The following PRDM16 variants were observed in gnomAD, a reference collection of about 807,000 sequenced individuals.
The protein encoded by PRDM16 is histone-lysine N-methyltransferase PRDM16.
A neutral mutation model predicts 110.6 loss-of-function variants in PRDM16; 23 were observed. The ratio of observed to expected loss-of-function variants is 0.21; its 90% CI spans 0.15 to 0.29. The LOEUF (loss-of-function observed/expected upper bound fraction) is 0.29, where lower values mean the gene tolerates loss of function less well. Among genes scored for constraint, PRDM16 ranks in the 10% least tolerant of loss-of-function variants. PRDM16 has a pLI of 1.00. For missense variants in PRDM16, 1,615 were observed against 1,794.3 expected (o/e 0.90, Z 1.81); for synonymous variants, 799 against 781.8 (o/e 1.02, Z -0.37).
chr1:3,333,430 C>T (rs375836077), intron 3 of PRDM16, among the ~76,000 whole-genome samples: 7 of 152,274 alleles, frequency 4.6e-5, no homozygotes, highest in African/African-American at 1.7e-4. Flanking sequence ...CTGCATCTGA[C>T]CCTAGGAGTC....
rs565015121 is a variant in PRDM16, at chr1:3,146,448, A to G, written c.38-39677A>G. ...AAAGGTGTGAGGGGTGTGTGTGCAC[A>G]TGTGTTCAGTGTGGGGTGTGCGCAC... is the stretch of plus-strand genomic sequence containing the variant. On this transcript the variant is annotated intron_variant, in intron 1 of 16. Transcript: ENST00000270722. Among the ~76,000 whole-genome samples the G allele has an allele frequency of 6.8e-4, 100 of 147,606 alleles. 2 individuals carry two copies. Among genetic ancestry groups the G allele is most frequent in the Non-Finnish European group, 1.1e-3 (72 of 65,382 alleles).
In PRDM16 at chr1:3,412,293, T is replaced by C; in HGVS notation, c.2096T>C (p.Ile699Thr). The change falls in exon 9 of 17, where the codon ATT becomes ACT. Residue 699 changes from isoleucine to threonine, a missense_variant. Physicochemically the swap from Ile to Thr is moderately conservative, Grantham distance 89. Transcript: ENST00000270722. The stretch of plus-strand genomic sequence containing the variant: ...GACTCCATCAAGGCCATCGCATCCA[T>C]TGCCGAGAAGTACTTTGGCCCCGGC... ...AGDSIKAIAS[I>T]AEKYFGPGFM... 1 of 1,613,716 alleles carries C rather than the reference T, an allele frequency of 6.2e-7. No individual in the cohort carries two copies. The highest frequency in any genetic ancestry group is 8.5e-7 in the Non-Finnish European group (1 of 1,180,002).
chr1:3,171,435 C>T (rs772896561), intron 1 of PRDM16, among the ~76,000 whole-genome samples: 3 of 152,192 alleles, frequency 2.0e-5, no homozygotes, highest in Non-Finnish European at 4.4e-5. Context: ...GAGCCTCCTG[C>T]GAGGACGCTG....
intron 6 of PRDM16, among the ~76,000 whole-genome samples, chr1:3,403,667 T>G (rs1476121465): frequency 6.6e-6 from 1 of 152,122 alleles, no homozygotes; most frequent in Non-Finnish European, 1.5e-5. Flanking sequence ...TGGGGACCTG[T>G]GGCCCCCGGG....
intron 1 of PRDM16, among the ~76,000 whole-genome samples, chr1:3,139,486 G>A (rs1212451225): frequency 6.6e-6 from 1 of 152,254 alleles, no homozygotes; most frequent in Non-Finnish European, 1.5e-5. Context: ...GCTGGCAGGG[G>A]CGGGGTCCCT....
intron 3 of PRDM16, among the ~76,000 whole-genome samples, chr1:3,296,992 G>A (rs1187319427): frequency 6.6e-6 from 1 of 152,206 alleles, no homozygotes; most frequent in Admixed American, 6.5e-5. Context: ...TCAGGGTAAA[G>A]TGTTGGCTGT....
At chr1:3,076,243 TCCACGTCTTTGCCGCAGCCCTGG>T (rs1254184358) in intron 1 of PRDM16, among the ~76,000 whole-genome samples, 1 of 152,154 alleles carries the variant, frequency 6.6e-6, no homozygotes, top group South Asian at 2.1e-4. Flanking sequence ...TGTGTTGCGA[TCCACGTCTTTGCCGCAGCCCTGG>T]CCACGTCTGC....
At chr1:3,193,681 GC>G in intron 2 of PRDM16, among the ~76,000 whole-genome samples, 1 of 152,292 alleles carries the variant, frequency 6.6e-6, no homozygotes, top group African/African-American at 2.4e-5. Context: ...GCAAGCCCCT[GC>G]CCCCCAACAA....
At position 3,278,994 on chromosome 1, in the gene PRDM16, C is replaced by T. The variant is rs377402060; in HGVS notation, c.438+34857C>T. On this transcript the variant is annotated intron_variant, in intron 3 of 16. Transcript: ENST00000270722. ...CGAGCGCGGCGCTGGCCGTGTGCTCCGTGTCTGTCATCGTCAGCCCTGTCC... is the reference window on the plus strand; with the variant it reads ...CGAGCGCGGCGCTGGCCGTGTGCTCTGTGTCTGTCATCGTCAGCCCTGTCC... Among the ~76,000 whole-genome samples, 31 of 152,330 alleles carry T rather than the reference C, an allele frequency of 2.0e-4. No individual in the cohort carries two copies. In the East Asian group the frequency reaches 5.4e-3, roughly 27 times the overall value.
At chr1:3,397,539 G>A (rs897254237) in intron 5 of PRDM16, among the ~76,000 whole-genome samples, 7 of 152,254 alleles carry the variant, frequency 4.6e-5, no homozygotes, top group Admixed American at 2.0e-4. Flanking sequence ...CTGGCCCGTC[G>A]GCTCCACGCC....
chr1:3,430,089 G>C (rs1638725939), intron 14 of PRDM16, among the ~76,000 whole-genome samples: 1 of 152,164 alleles, frequency 6.6e-6, no homozygotes, highest in African/African-American at 2.4e-5. Context: ...TCCAGCATGT[G>C]CCCGGGGGCC....
rs1211440823 is a variant in PRDM16 at position 3,287,477 on chromosome 1, C to G, written c.438+43340C>G. ...GAGCCGCCCCTGCCACGCGGGCATC[C>G]AGGATTGCATTTACCGGGGCTGGAG... is the stretch of plus-strand genomic sequence containing the variant. On this transcript the variant is annotated intron_variant, in intron 3 of 16. Transcript: ENST00000270722. Among the ~76,000 whole-genome samples the G allele has an allele frequency of 1.3e-4, 10 of 79,394 alleles. 1 individual carries two copies. Among genetic ancestry groups the G allele is most frequent in the African/African-American group, 4.2e-4 (9 of 21,642 alleles). The allele number at this position is 79,394 out of a possible 152,430, so 52.1% of individuals were successfully genotyped here.
At chr1:3,279,116 C>T (rs1226844279) in intron 3 of PRDM16, among the ~76,000 whole-genome samples, 2 of 152,254 alleles carry the variant, frequency 1.3e-5, no homozygotes, top group African/African-American at 4.8e-5. Context: ...CCAATAGCCA[C>T]GTGGGCAGCT....
intron 1 of PRDM16, among the ~76,000 whole-genome samples, chr1:3,119,197 C>T (rs1643036126): frequency 6.6e-6 from 1 of 152,204 alleles, no homozygotes; most frequent in African/African-American, 2.4e-5. Flanking sequence ...AGAGCCTGGC[C>T]ATTTGCTTTC....
At chr1:3,202,562 T>C (rs1319728750) in intron 2 of PRDM16, among the ~76,000 whole-genome samples, 1 of 152,214 alleles carries the variant, frequency 6.6e-6, no homozygotes, top group East Asian at 1.9e-4. Flanking sequence ...GCGCTGCCCA[T>C]GTCCCCTTAA....
chr1:3,164,385 G>T (rs777259456), intron 1 of PRDM16, among the ~76,000 whole-genome samples: 1 of 152,198 alleles, frequency 6.6e-6, no homozygotes, highest in African/African-American at 2.4e-5. Context: ...ACGTTGGGCC[G>T]ACAGCTTCTG....
intron 3 of PRDM16, among the ~76,000 whole-genome samples, chr1:3,283,229 A>G (rs951307060): frequency 6.6e-6 from 1 of 152,128 alleles, no homozygotes; most frequent in Non-Finnish European, 1.5e-5. Flanking sequence ...ACAGCTGCCC[A>G]TTAGAGGCGG....
chr1:3,402,931 C>T lies in PRDM16; in HGVS notation c.817C>T (p.Leu273Phe), dbSNP rs1024921070. 5.6e-6 allele frequency: 9 copies of T among 1,612,736 alleles called. No homozygotes were observed. Among genetic ancestry groups the T allele is most frequent in the Non-Finnish European group, 7.6e-6 (9 of 1,179,952 alleles). Residue 273 changes from leucine to phenylalanine, a missense_variant, in exon 6 of 17, where the codon CTT becomes TTT. Leu to Phe is a conservative substitution (Grantham distance 22). This residue lies in a region of PRDM16 where 416 missense variants were observed against 467.1 expected (regional missense o/e 0.89). Coordinates refer to ENST00000270722, the MANE Select transcript of PRDM16 (RefSeq NM_022114.4). ...GLAEELKPEG[L>F]GGGSGQAHEC... ...GGCTGAGGAGCTCAAGCCCGAGGGC[C>T]TTGGCGGTGGCAGCGGCCAAGCCCA...
intron 3 of PRDM16, among the ~76,000 whole-genome samples, chr1:3,286,690 G>C (rs1640851650): frequency 6.6e-6 from 1 of 152,144 alleles, no homozygotes; most frequent in Admixed American, 6.5e-5. Context: ...CAACTGTGCT[G>C]GTGGCAAAAT....
Sources: allele counts gnomAD v4.1 joint callset (sites outside exome capture counted in the v4.1 genomes callset), GRCh38; gene constraint gnomAD v4.1.1; regional missense constraint gnomAD v4.1.1; transcripts MANE v1.5; gene names NCBI Gene and HGNC (gene_info 2026-07-23, HGNC 2026-07-21).